The following SSH1 variants were observed in gnomAD, a reference collection of about 807,000 sequenced individuals.
SSH1 encodes slingshot protein phosphatase 1.
SSH1 carries 43 observed loss-of-function variants against 79.7 expected under a neutral mutation model. The observed-to-expected ratio is 0.54, with a 90% CI of 0.42 to 0.70. The LOEUF is 0.70. Ranked by LOEUF, SSH1 falls within the 30% of genes least tolerant of loss-of-function variation. SSH1 has a pLI of 0.00. For synonymous variants in SSH1, 599 were observed against 538.3 expected (o/e 1.11, Z -1.56); for missense variants, 1,206 against 1,358.8 (o/e 0.89, Z 1.77).
intron 5 of SSH1, among the ~76,000 whole-genome samples, chr12:108,816,413 G>C (rs1010853902): frequency 6.6e-5 from 10 of 152,196 alleles, no homozygotes; most frequent in African/African-American, 2.4e-4. Flanking sequence ...GTTTTGCAAT[G>C]ATCTCACAGG....
Position 108,787,958 on chromosome 12 carries a change from TC to T in SSH1, c.*29del. 2.5e-6 allele frequency: 4 copies of T among 1,613,860 alleles called. No homozygotes were observed. The highest frequency in any genetic ancestry group is 3.4e-6 in the Non-Finnish European group (4 of 1,179,852). ...GTGAGGGAGGGATCATATGAAAATA[TC>T]CGCCCAGCCTGACGCAGCAAAAGGC... On this transcript the variant is annotated 3_prime_UTR_variant, in exon 15 of 15. Coordinates refer to ENST00000326495, the MANE Select transcript of SSH1 (RefSeq NM_018984.4).
Position 108,826,328 on chromosome 12 carries a change from A to G in SSH1, c.111-2967T>C, listed in dbSNP as rs936886734. On this transcript the variant is annotated intron_variant, in intron 2 of 14. Coordinates refer to ENST00000326495, the MANE Select transcript of SSH1 (RefSeq NM_018984.4). ...TCAGGGACTCCTGCTCTACGCATGAAGTCAGGATGGCATTGATTGGGGCCC... is the reference window on the plus strand; with the variant it reads ...TCAGGGACTCCTGCTCTACGCATGAGGTCAGGATGGCATTGATTGGGGCCC... 5 of 351,110 alleles carry G rather than the reference A, an allele frequency of 1.4e-5. No individual in the cohort carries two copies. The Admixed American group carries it at 2.1e-4, about 15-fold the overall frequency. The allele number at this position is 351,110 out of a possible 1,614,324, so 21.7% of individuals were successfully genotyped here.
intron 5 of SSH1, among the ~76,000 whole-genome samples, chr12:108,816,703 C>T (rs1472143703): frequency 1.3e-5 from 2 of 152,202 alleles, no homozygotes; most frequent in African/African-American, 2.4e-5. Context: ...GTTTGGCCTT[C>T]TGGGTTCGGC....
intron 4 of SSH1, 60 bp downstream of exon 4, chr12:108,818,189 C>CCGGG: frequency 2.2e-5 from 21 of 960,038 alleles, no homozygotes; most frequent in Non-Finnish European, 3.5e-5. Context: ...CAGAGCAAGA[C>CCGGG]CCTCATCTCA....
rs1358514243 is a variant in SSH1 at position 108,857,101 on chromosome 12, G to T, written c.69+327C>A. On this transcript the variant is annotated intron_variant, in intron 1 of 14. Transcript: ENST00000326495. The surrounding 1 kb of genome is among the most constrained non-coding windows in gnomAD (Gnocchi z 4.7). ...TAACAGGGGTCACCCCAAGATGGGG[G>T]TAACCCCCTGATGTGGGTCACAGCG... Among the ~76,000 whole-genome samples, 1 of 152,192 alleles carries T rather than the reference G, an allele frequency of 6.6e-6. No homozygotes were observed. The highest frequency in any genetic ancestry group is 6.5e-5 in the Admixed American group (1 of 15,288).
chr12:108,800,672 AT>A (rs1180878085), intron 12 of SSH1, 107 bp downstream of exon 12: 11 of 1,337,208 alleles, frequency 8.2e-6, no homozygotes, highest in Admixed American at 1.8e-5. Flanking sequence ...TCCCGTTAGG[AT>A]CCCCCCTCCC....
intron 10 of SSH1, among the ~76,000 whole-genome samples, chr12:108,802,814 C>T (rs2037079600): frequency 6.6e-6 from 1 of 152,190 alleles, no homozygotes; most frequent in African/African-American, 2.4e-5. Context: ...AAAAAGTTCC[C>T]ACCCTCTGAC....
chr12:108,811,525 T>C (rs947757164), intron 5 of SSH1, 197 bp from the exon 6 acceptor site: 2 of 636,328 alleles, frequency 3.1e-6, no homozygotes, highest in African/African-American at 3.6e-5. Context: ...CCGTAAGTGC[T>C]CAGCTGAGGC....
intron 2 of SSH1, among the ~76,000 whole-genome samples, chr12:108,829,770 GA>G (rs1418560707): frequency 6.6e-6 from 1 of 152,158 alleles, no homozygotes; most frequent in East Asian, 1.9e-4. Flanking sequence ...GTCTAATTCG[GA>G]AGGTCTGTGA....
chr12:108,823,220 G>T, intron 3 of SSH1, 38 bp downstream of exon 3: 3 of 1,518,828 alleles, frequency 2.0e-6, no homozygotes, highest in Non-Finnish European at 2.7e-6. Flanking sequence ...GTCCAGAAAA[G>T]AAGCTCCAAT....
rs753181721 is a variant in SSH1, at chr12:108,788,076, G to A, written c.3062C>T (p.Thr1021Ile). 6.2e-7 allele frequency: 1 copy of A among 1,614,132 alleles called. No homozygotes were observed. Among genetic ancestry groups the A allele is most frequent in the South Asian group, 1.1e-5 (1 of 91,078 alleles). Residue 1021 changes from threonine (T) to isoleucine (I), a missense_variant, in exon 15 of 15, where the codon ACC (threonine) becomes ATC (isoleucine). Thr to Ile is a moderately conservative substitution (Grantham distance 89). This residue lies in a region of SSH1 where 709 missense variants were observed against 730.6 expected (regional missense o/e 0.97). Coordinates refer to ENST00000326495, the MANE Select transcript of SSH1 (RefSeq NM_018984.4). ...GGAGGTTGCAGCTGGGTCCCTCGGG[G>A]TTCCCTGGGGCTCATGCAAGAAGGA... ...ESSFLHEPQG[T>I]PRDPAATSKP...
chr12:108,811,833 C>G (rs2037621460), intron 5 of SSH1, among the ~76,000 whole-genome samples: 1 of 152,148 alleles, frequency 6.6e-6, no homozygotes, highest in South Asian at 2.1e-4. Context: ...CGAATGACTG[C>G]AGAGACTGGC....
chr12:108,793,724 T>TA (rs958545659), intron 13 of SSH1, among the ~76,000 whole-genome samples: 11 of 151,426 alleles, frequency 7.3e-5, no homozygotes, highest in South Asian at 2.1e-4. Context: ...ATGTAAGGCA[T>TA]AAAAAAAAAG....
At position 108,807,867 on chromosome 12, in the gene SSH1, C is replaced by T. The variant is rs1415925909; in HGVS notation, c.537-40G>A. 6.3e-7 allele frequency: 1 copy of T among 1,594,652 alleles called. No individual in the cohort carries two copies. Among genetic ancestry groups the T allele is most frequent in the Non-Finnish European group, 8.6e-7 (1 of 1,164,216 alleles). ...AGACAGGGTCAGGCCTGGGAAGGCACAAGAGATGCAGGGTTTTCTCCTCTG... is the reference window on the plus strand; with the variant it reads ...AGACAGGGTCAGGCCTGGGAAGGCATAAGAGATGCAGGGTTTTCTCCTCTG... On this transcript the variant is annotated intron_variant, in intron 7 of 14. Coordinates refer to ENST00000326495, the MANE Select transcript of SSH1 (RefSeq NM_018984.4). The surrounding 1 kb of genome is among the most constrained non-coding windows in gnomAD (Gnocchi z 5.2).
At chr12:108,800,029 G>A (rs1385362210) in intron 12 of SSH1, among the ~76,000 whole-genome samples, 1 of 152,172 alleles carries the variant, frequency 6.6e-6, no homozygotes, top group Non-Finnish European at 1.5e-5. Flanking sequence ...CTAACTGCTG[G>A]TCTGAAGTTT....
intron 5 of SSH1, among the ~76,000 whole-genome samples, chr12:108,813,731 AGGAAG>A (rs1312118237): frequency 2.0e-5 from 2 of 101,574 alleles, no homozygotes; most frequent in East Asian, 6.4e-4. Context: ...AAAAAAAAAA[AGGAAG>A]GAAAGGGAAG....
chr12:108,832,447 A>G (rs1172935362), intron 2 of SSH1, among the ~76,000 whole-genome samples: 2 of 152,188 alleles, frequency 1.3e-5, no homozygotes, highest in East Asian at 3.8e-4. Flanking sequence ...TGAAGAATCC[A>G]TAGGTCAGAA....
chr12:108,787,904 T>G lies in SSH1; in HGVS notation c.*84A>C. 6.5e-7 allele frequency: 1 copy of G among 1,544,286 alleles called. No individual in the cohort carries two copies. Among genetic ancestry groups the G allele is most frequent in the Non-Finnish European group, 8.9e-7 (1 of 1,121,700 alleles). On this transcript the variant is annotated 3_prime_UTR_variant, in exon 15 of 15. Transcript: ENST00000326495. ...CACTCGTTTAAGGGAAATCAAGATG[T>G]AAGGGGTCGATCCAAATCCACAGTG...
rs2036870308 is a variant in SSH1 at position 108,799,010 on chromosome 12, A to T, written c.1339T>A (p.Leu447Met). The T allele has an allele frequency of 6.2e-7, 1 of 1,613,150 alleles. No individual in the cohort carries two copies. Residue 447 changes from leucine to methionine, a missense_variant, in exon 13 of 15, where the codon TTG becomes ATG. Leu to Met is a conservative substitution (Grantham distance 15). Around this residue, in one of 5 missense-constraint regions of SSH1, gnomAD observed 166 missense variants for 262.9 expected, o/e 0.63. Transcript: ENST00000326495. Reference sequence around the variant, plus strand: ...CAGGCAGGCACCCACCTTGCATCCAAGATGCCTTCATACTCAGACAGCTGC... The same window carrying T: ...CAGGCAGGCACCCACCTTGCATCCATGATGCCTTCATACTCAGACAGCTGC... ...MRQLSEYEGI[L>M]DASKQRHNKL...
Sources: allele counts gnomAD v4.1 joint callset (sites outside exome capture counted in the v4.1 genomes callset), GRCh38; gene constraint gnomAD v4.1.1; regional missense constraint gnomAD v4.1.1; non-coding constraint Gnocchi (gnomAD v3.1); transcripts MANE v1.5; gene names NCBI Gene and HGNC (gene_info 2026-07-23, HGNC 2026-07-21).